SEPTIN9: variants seen among roughly 807,000 people sequenced by gnomAD.
SEPTIN9 encodes septin 9, also known as septin-9.
In SEPTIN9, 13 loss-of-function variants were observed where a neutral mutation model predicts 56.6. The ratio of observed to expected loss-of-function variants is 0.23; its 90% CI spans 0.15 to 0.37. The LOEUF (loss-of-function observed/expected upper bound fraction) is 0.37. SEPTIN9 is among the 10% of genes least tolerant of loss of function. The pLI is 1.00. For missense variants in SEPTIN9, 650 were observed against 823.1 expected, an observed-to-expected ratio of 0.79 and a Z score of 2.57; for synonymous variants, 332 against 334.1, an observed-to-expected ratio of 0.99 and a Z score of 0.07.
intron 3 of SEPTIN9, among the ~76,000 whole-genome samples, chr17:77,447,751 A>C (rs977246657): frequency 1.3e-5 from 2 of 152,136 alleles, no homozygotes; most frequent in Admixed American, 6.5e-5. Context: ...CAACCTCCTG[A>C]GTGGCTGGGA....
rs554813949 is a variant in SEPTIN9 at position 77,456,981 on chromosome 17, G to GT, written c.722-25163_722-25162insT. On this transcript the variant is annotated intron_variant, in intron 3 of 11. Transcript: ENST00000427177. The surrounding 1 kb of genome is among the most constrained non-coding windows in gnomAD (Gnocchi z 6.0). ...CGGTTGACTAAAGCTGCAGGAGCCA[G>GT]CCTGGCCATCCTGAGGCACTAAGCC... Among the ~76,000 whole-genome samples the GT allele has an allele frequency of 1.4e-4, 21 of 152,368 alleles. No homozygotes were observed. The highest frequency in any genetic ancestry group is 5.2e-4 in the Admixed American group (8 of 15,308).
chr17:77,436,575 C>G lies in SEPTIN9; in HGVS notation c.721+33872C>G, dbSNP rs745865869. Among the ~76,000 whole-genome samples the G allele has an allele frequency of 6.6e-5, 10 of 152,232 alleles. No homozygotes were observed. The highest frequency in any genetic ancestry group is 1.3e-4 in the Admixed American group (2 of 15,286). On this transcript the variant is annotated intron_variant, in intron 3 of 11. Transcript: ENST00000427177. The surrounding 1 kb of genome is among the most constrained non-coding windows in gnomAD (Gnocchi z 4.4). The stretch of plus-strand genomic sequence containing the variant: ...CCCCCTCCTCCACGCAGACCCTCAG[C>G]CTGGAATGATCAGTGTCCAGCTTTT...
chr17:77,422,662 GTCCATCCCCA>G (rs2036747534), intron 3 of SEPTIN9, among the ~76,000 whole-genome samples: 1 of 151,914 alleles, frequency 6.6e-6, no homozygotes, highest in African/African-American at 2.4e-5. Flanking sequence ...TGGTGCAGGG[GTCCATCCCCA>G]TGAAACCGGG....
At chr17:77,457,237 C>T (rs776708541) in intron 3 of SEPTIN9, among the ~76,000 whole-genome samples, 3 of 152,284 alleles carry the variant, frequency 2.0e-5, no homozygotes, top group South Asian at 2.1e-4. Context: ...GCTCTGGCTG[C>T]GTACCGAGAG....
intron 1 of SEPTIN9, among the ~76,000 whole-genome samples, chr17:77,296,935 A>T (rs1426138603): frequency 6.6e-6 from 1 of 152,158 alleles, no homozygotes; most frequent in African/African-American, 2.4e-5. Flanking sequence ...GATAATTGAT[A>T]AATAGATATA....
intron 6 of SEPTIN9, among the ~76,000 whole-genome samples, 174 bp from the exon 7 acceptor site, chr17:77,488,553 G>A (rs182105309): frequency 6.6e-6 from 1 of 152,328 alleles, no homozygotes; most frequent in East Asian, 1.9e-4. Flanking sequence ...GCCCGGGGAG[G>A]CTGGTTTGGG....
At chr17:77,422,746 CTTGCT>C (rs1480928403) in intron 3 of SEPTIN9, among the ~76,000 whole-genome samples, 1 of 152,168 alleles carries the variant, frequency 6.6e-6, no homozygotes, top group Non-Finnish European at 1.5e-5. Context: ...CCCCCTGGCT[CTTGCT>C]TCCAAAGTAG....
At position 77,310,073 on chromosome 17, in the gene SEPTIN9, G is replaced by C. The variant is rs561520407; in HGVS notation, c.76+2876G>C. Among the ~76,000 whole-genome samples the C allele has an allele frequency of 6.6e-6, 1 of 152,208 alleles. No individual in the cohort carries two copies. Among genetic ancestry groups the C allele is most frequent in the South Asian group, 2.1e-4 (1 of 4,820 alleles). ...GGCTCACTGCAACCTCTGCCTCCTG[G>C]GTTCAAGCGATTCTTCTGCCTCAGC... On this transcript the variant is annotated intron_variant, in intron 2 of 11. Transcript: ENST00000427177. This position sits in a 1 kb window ranked among gnomAD's most constrained non-coding sequence, Gnocchi z 4.7.
At chr17:77,474,777 C>T (rs908370846) in intron 3 of SEPTIN9, among the ~76,000 whole-genome samples, 3 of 152,232 alleles carry the variant, frequency 2.0e-5, no homozygotes, top group Non-Finnish European at 4.4e-5. Flanking sequence ...CTCTCGGTCT[C>T]GGTTTCCTTA....
At chr17:77,461,794 G>A (rs1161061747) in intron 3 of SEPTIN9, among the ~76,000 whole-genome samples, 3 of 152,216 alleles carry the variant, frequency 2.0e-5, no homozygotes, top group African/African-American at 7.2e-5. Flanking sequence ...GCCAAGATTG[G>A]CAGAGTAAAT....
chr17:77,448,754 T>TA (rs1298089396), intron 3 of SEPTIN9, among the ~76,000 whole-genome samples: 1 of 152,196 alleles, frequency 6.6e-6, no homozygotes, highest in African/African-American at 2.4e-5. Flanking sequence ...CACCTGTTCT[T>TA]ACATTTTTTA....
rs552334529 is a variant in SEPTIN9, at chr17:77,309,864, G to C, written c.76+2667G>C. On this transcript the variant is annotated intron_variant, in intron 2 of 11. Transcript: ENST00000427177. ...ATTGCAGGTGTAGCCGCAGCCCTGG[G>C]TGACCTTCTCCATCCTAGCCCCACT... Among the ~76,000 whole-genome samples, 23 of 152,332 alleles carry C rather than the reference G, an allele frequency of 1.5e-4. No individual in the cohort carries two copies. The East Asian group carries it at 4.2e-3, about 28-fold the overall frequency.
In SEPTIN9 at chr17:77,310,862, C is replaced by T. The variant is rs571488480; in HGVS notation, c.76+3665C>T. On this transcript the variant is annotated intron_variant, in intron 2 of 11. Transcript: ENST00000427177. This position sits in a 1 kb window ranked among gnomAD's most constrained non-coding sequence, Gnocchi z 4.7. Reference sequence around the variant, plus strand: ...GAGCCAACTCCTCTGCCTGACATCCCGTGTCGCTAGGTCCTGCTCTTCCAT... The same window carrying T: ...GAGCCAACTCCTCTGCCTGACATCCTGTGTCGCTAGGTCCTGCTCTTCCAT... Among the ~76,000 whole-genome samples the T allele has an allele frequency of 2.0e-5, 3 of 152,274 alleles. No individual in the cohort carries two copies. The highest frequency in any genetic ancestry group is 3.9e-4 in the East Asian group (2 of 5,176).
intron 2 of SEPTIN9, among the ~76,000 whole-genome samples, chr17:77,343,003 G>GTCTGTCTGTCTGTCTGTCTGTCTGTCTA (rs71160228): frequency 1.0e-3 from 149 of 147,248 alleles, no homozygotes; most frequent in African/African-American, 3.6e-3. Context: ...CTGTCTGTCT[G>GTCTGTCTGTCTGTCTGTCTGTCTGTCTA]TCTATCTATC....
intron 2 of SEPTIN9, among the ~76,000 whole-genome samples, chr17:77,382,210 G>A (rs2035170095): frequency 6.6e-6 from 1 of 152,064 alleles, no homozygotes; most frequent in Admixed American, 6.5e-5. Flanking sequence ...TGTATTTTTA[G>A]TAGAGACAAG....
At chr17:77,457,214 A>G (rs950225139) in intron 3 of SEPTIN9, among the ~76,000 whole-genome samples, 3 of 152,088 alleles carry the variant, frequency 2.0e-5, no homozygotes, top group Non-Finnish European at 4.4e-5. Context: ...GCATCCATAC[A>G]GCCTCGGCCC....
intron 11 of SEPTIN9, 190 bp downstream of exon 11, chr17:77,497,556 A>G (rs1296226066): frequency 3.1e-6 from 2 of 637,994 alleles, no homozygotes; most frequent in Non-Finnish European, 5.6e-6. Context: ...GAAATGAAGC[A>G]GGCAGTGAAG....
In SEPTIN9 at chr17:77,429,290, G is replaced by T. The variant is rs750791989; in HGVS notation, c.721+26587G>T. ...CCGTAATTTTGATGGTGCCGATGCC[G>T]TCAGCACGCAGGCCTCCTGCCCTCG... On this transcript the variant is annotated intron_variant, in intron 3 of 11. Coordinates refer to ENST00000427177, the MANE Select transcript of SEPTIN9 (RefSeq NM_001113491.2). The surrounding 1 kb of genome is among the most constrained non-coding windows in gnomAD (Gnocchi z 5.2). 1 of 471,246 alleles carries T rather than the reference G, an allele frequency of 2.1e-6. No individual in the cohort carries two copies. The highest frequency in any genetic ancestry group is 4.4e-6 in the Non-Finnish European group (1 of 227,120). 29.2% of individuals were successfully genotyped at this position (471,246 alleles called of 1,614,324 possible).
At chr17:77,422,788 C>A (rs2036752196) in intron 3 of SEPTIN9, among the ~76,000 whole-genome samples, 1 of 152,158 alleles carries the variant, frequency 6.6e-6, no homozygotes, top group South Asian at 2.1e-4. Context: ...GAATTCCCTG[C>A]CGAAATGCAG....
Sources: allele counts gnomAD v4.1 joint callset (sites outside exome capture counted in the v4.1 genomes callset), GRCh38; gene constraint gnomAD v4.1.1; non-coding constraint Gnocchi (gnomAD v3.1); transcripts MANE v1.5; gene names NCBI Gene and HGNC (gene_info 2026-07-23, HGNC 2026-07-21).